The following SNTG1 variants were observed in gnomAD, a reference collection of about 807,000 sequenced individuals.
SNTG1 encodes gamma-1-syntrophin.
Under a neutral mutation model 74.7 loss-of-function variants are expected in SNTG1, and 39 were observed. That is an observed-to-expected ratio of 0.52 (90% CI 0.40 to 0.68). The LOEUF is 0.68. Ranked by LOEUF, SNTG1 falls within the 30% of genes least tolerant of loss-of-function variation. SNTG1 has a pLI of 0.00. For synonymous variants in SNTG1, 254 were observed against 217.1 expected (o/e 1.17, Z -1.49); for missense variants, 685 against 609.5 (o/e 1.12, Z -1.30).
chr8:50,248,562 C>A (rs894542966), intron 2 of SNTG1, among the ~76,000 whole-genome samples: 1 of 152,144 alleles, frequency 6.6e-6, no homozygotes, highest in African/African-American at 2.4e-5. Flanking sequence ...CCTACTTCAG[C>A]CTTAATGATA....
At chr8:50,681,849 G>A (rs1236696698) in intron 15 of SNTG1, among the ~76,000 whole-genome samples, 2 of 152,144 alleles carry the variant, frequency 1.3e-5, no homozygotes, top group Non-Finnish European at 2.9e-5. Flanking sequence ...CCATGTGGAT[G>A]CCTAATGAAT....
chr8:50,483,175 C>T (rs4873148), intron 8 of SNTG1, among the ~76,000 whole-genome samples: 98,464 of 152,088 alleles, frequency 0.65, 33,862 homozygotes, highest in Non-Finnish European at 0.77. Flanking sequence ...TCATAATGTA[C>T]ATGCATCTTG....
intron 15 of SNTG1, among the ~76,000 whole-genome samples, chr8:50,671,987 T>C (rs2095285662): frequency 7.7e-6 from 1 of 130,332 alleles, no homozygotes. Flanking sequence ...AGATGGGAAT[T>C]GAACAATGAG....
At chr8:50,273,765 A>G (rs1330032063) in intron 2 of SNTG1, among the ~76,000 whole-genome samples, 1 of 152,146 alleles carries the variant, frequency 6.6e-6, no homozygotes, top group East Asian at 1.9e-4. Flanking sequence ...TCCTAAAATG[A>G]GTTTTGGACT....
At chr8:50,707,302 A>G (rs957220840) in intron 16 of SNTG1, among the ~76,000 whole-genome samples, 2 of 152,124 alleles carry the variant, frequency 1.3e-5, no homozygotes, top group African/African-American at 4.8e-5. Flanking sequence ...AAATTAGGAG[A>G]AAATTTTATG....
intron 3 of SNTG1, among the ~76,000 whole-genome samples, chr8:50,398,818 C>T (rs993745452): frequency 6.6e-6 from 1 of 152,080 alleles, no homozygotes; most frequent in African/African-American, 2.4e-5. Flanking sequence ...GTAATCCCAG[C>T]TACTTGGGAG....
intron 4 of SNTG1, among the ~76,000 whole-genome samples, chr8:50,412,560 T>C (rs767463930): frequency 3.3e-4 from 50 of 152,194 alleles, no homozygotes; most frequent in Non-Finnish European, 4.8e-4. Flanking sequence ...CAACAAATAA[T>C]ATCTTTATTA....
intron 17 of SNTG1, among the ~76,000 whole-genome samples, chr8:50,711,967 AAG>A (rs1392904688): frequency 6.6e-6 from 1 of 152,252 alleles, no homozygotes; most frequent in Non-Finnish European, 1.5e-5. Context: ...ACATAGCTAA[AAG>A]CATAATCTTG....
At chr8:49,960,959 C>A (rs1248209243) in intron 1 of SNTG1, among the ~76,000 whole-genome samples, 1 of 152,118 alleles carries the variant, frequency 6.6e-6, no homozygotes, top group Non-Finnish European at 1.5e-5. Flanking sequence ...TTATCAGGAG[C>A]GGAAAGTTAC....
At chr8:50,511,994 C>T (rs1585523707) in intron 9 of SNTG1, among the ~76,000 whole-genome samples, 1 of 151,840 alleles carries the variant, frequency 6.6e-6, no homozygotes, top group East Asian at 1.9e-4. Flanking sequence ...TTAGTTGATG[C>T]AGTTTCTTCC....
intron 1 of SNTG1, among the ~76,000 whole-genome samples, chr8:50,013,751 C>T (rs561248451): frequency 8.6e-5 from 13 of 152,010 alleles, no homozygotes; most frequent in South Asian, 4.1e-4. Context: ...TTGTATAAAA[C>T]TTCACATATA....
At chr8:50,243,025 G>T (rs1416333760) in intron 2 of SNTG1, among the ~76,000 whole-genome samples, 1 of 151,908 alleles carries the variant, frequency 6.6e-6, no homozygotes, top group East Asian at 1.9e-4. Context: ...ATAGTTTTTT[G>T]AATATTGACA....
chr8:49,927,916 A>G (rs994187279), intron 1 of SNTG1, among the ~76,000 whole-genome samples: 3 of 151,980 alleles, frequency 2.0e-5, no homozygotes, highest in Non-Finnish European at 4.4e-5. Context: ...GGAGTTCAAG[A>G]TCAGCCTAGC....
chr8:50,658,826 A>C (rs1390257213), intron 15 of SNTG1, among the ~76,000 whole-genome samples, 163 bp downstream of exon 15: 2 of 152,160 alleles, frequency 1.3e-5, no homozygotes, highest in Non-Finnish European at 2.9e-5. Flanking sequence ...AAAAGAGAAA[A>C]TATAGAATGC....
intron 1 of SNTG1, among the ~76,000 whole-genome samples, chr8:50,122,152 A>G (rs892657826): frequency 7.1e-6 from 1 of 141,308 alleles, no homozygotes; most frequent in African/African-American, 2.6e-5. Context: ...AGTTGTGCCC[A>G]TGGTTGTGTG....
chr8:50,056,590 A>T (rs1255376333), intron 1 of SNTG1, among the ~76,000 whole-genome samples: 4 of 152,138 alleles, frequency 2.6e-5, no homozygotes, highest in African/African-American at 9.7e-5. Flanking sequence ...CAAACCACAC[A>T]AAGCAGGTTT....
chr8:50,073,554 T>C (rs1407335735), intron 1 of SNTG1, among the ~76,000 whole-genome samples: 1 of 152,150 alleles, frequency 6.6e-6, no homozygotes, highest in Non-Finnish European at 1.5e-5. Context: ...TTAATGACAT[T>C]TGGAATGATG....
At chr8:49,960,730 C>G (rs1810604244) in intron 1 of SNTG1, among the ~76,000 whole-genome samples, 1 of 152,064 alleles carries the variant, frequency 6.6e-6, no homozygotes, top group African/African-American at 2.4e-5. Flanking sequence ...CTAAAAAGAT[C>G]TGGGTCTTGT....
intron 12 of SNTG1, among the ~76,000 whole-genome samples, chr8:50,564,367 A>G (rs2094504469): frequency 6.6e-6 from 1 of 152,102 alleles, no homozygotes; most frequent in South Asian, 2.1e-4. Flanking sequence ...GAAAACAACA[A>G]CCTTACATTT....
Sources: allele counts gnomAD v4.1 joint callset (sites outside exome capture counted in the v4.1 genomes callset), GRCh38; gene constraint gnomAD v4.1.1; transcripts MANE v1.5; gene names NCBI Gene and HGNC (gene_info 2026-07-23, HGNC 2026-07-21).